The following PDS5B variants were observed in gnomAD, a reference collection of about 807,000 sequenced individuals.
PDS5B encodes PDS5 cohesin associated factor B.
Under a neutral mutation model 184.1 loss-of-function variants are expected in PDS5B, and 51 were observed. That is an observed-to-expected ratio of 0.28 (90% confidence interval 0.22 to 0.35). PDS5B has a LOEUF of 0.35. PDS5B is among the 10% of genes least tolerant of loss of function. The pLI, the probability that PDS5B is intolerant of heterozygous loss-of-function variation, is 1.00. For missense variants in PDS5B, 1,180 were observed against 1,723.3 expected, an observed-to-expected ratio of 0.68 and a Z score of 5.58; for synonymous variants, 566 against 569.2, an observed-to-expected ratio of 0.99 and a Z score of 0.08.
At chr13:32,602,519 C>T (rs2057992919) in intron 1 of PDS5B, among the ~76,000 whole-genome samples, 1 of 152,102 alleles carries the variant, frequency 6.6e-6, no homozygotes, top group South Asian at 2.1e-4. Context: ...TGGGTTGGTT[C>T]TAAGTGTTTG....
rs1410797773 is a variant in PDS5B, at chr13:32,587,354, C to T, written c.-20+761C>T. Among the ~76,000 whole-genome samples the T allele has an allele frequency of 3.3e-5, 5 of 152,178 alleles. No homozygotes were observed. In the East Asian group the frequency reaches 9.7e-4, roughly 29 times the overall value. On this transcript the variant is annotated intron_variant, in intron 1 of 34. Coordinates refer to ENST00000315596, the MANE Select transcript of PDS5B (RefSeq NM_015032.4). ...CCAGCACTGGCGTGGAGGGACTCCT[C>T]CCAGGCCACAACTGGGTTCTAGCTT...
chr13:32,740,010 G>T (rs1953483294), intron 21 of PDS5B, among the ~76,000 whole-genome samples: 1 of 151,872 alleles, frequency 6.6e-6, no homozygotes, highest in Non-Finnish European at 1.5e-5. Context: ...CTTTGTATTT[G>T]TAATAGTTTA....
chr13:32,724,505 C>G (rs1198075198), intron 19 of PDS5B, among the ~76,000 whole-genome samples: 1 of 152,146 alleles, frequency 6.6e-6, no homozygotes, highest in Non-Finnish European at 1.5e-5. Context: ...CAGGTTGTTT[C>G]TCTTGAAGAG....
chr13:32,676,029 T>C, intron 9 of PDS5B, 70 bp downstream of exon 9: 1 of 839,540 alleles, frequency 1.2e-6, no homozygotes, highest in Non-Finnish European at 2.0e-6. Flanking sequence ...AGAAACATTA[T>C]CCACATTTAA....
At chr13:32,752,805 A>G (rs2140997419) in intron 24 of PDS5B, among the ~76,000 whole-genome samples, 1 of 152,266 alleles carries the variant, frequency 6.6e-6, no homozygotes, top group Admixed American at 6.5e-5. Context: ...TGGATTAGTA[A>G]TCCTTACCTT....
At chr13:32,746,797 C>A (rs375457026) in intron 24 of PDS5B, among the ~76,000 whole-genome samples, 48 of 152,312 alleles carry the variant, frequency 3.2e-4, no homozygotes, top group African/African-American at 1.2e-3. Context: ...GGAATGTGCA[C>A]ATCTGGCTAC....
chr13:32,640,007 T>A (rs1324691546), intron 1 of PDS5B, among the ~76,000 whole-genome samples: 1 of 152,250 alleles, frequency 6.6e-6, no homozygotes, highest in Non-Finnish European at 1.5e-5. Context: ...TTATGATTGC[T>A]CTTGCTCTTT....
chr13:32,601,752 G>T (rs933601409), intron 1 of PDS5B, among the ~76,000 whole-genome samples: 5 of 152,142 alleles, frequency 3.3e-5, no homozygotes, highest in Admixed American at 2.0e-4. Flanking sequence ...GACCCTTTAG[G>T]ATCATTTTAC....
intron 11 of PDS5B, among the ~76,000 whole-genome samples, chr13:32,686,628 A>G (rs1049372110): frequency 3.9e-5 from 6 of 152,146 alleles, no homozygotes; most frequent in Non-Finnish European, 8.8e-5. Context: ...AAAAACAAAA[A>G]TAAAAAATTA....
chr13:32,591,529 TATAAC>T (rs1376385581), intron 1 of PDS5B, among the ~76,000 whole-genome samples: 10 of 152,206 alleles, frequency 6.6e-5, no homozygotes, highest in Non-Finnish European at 1.2e-4. Context: ...AATATTTTAT[TATAAC>T]ATAATTTATT....
intron 19 of PDS5B, among the ~76,000 whole-genome samples, chr13:32,721,269 C>T (rs1332154712): frequency 5.6e-5 from 8 of 143,666 alleles, no homozygotes; most frequent in East Asian, 2.2e-4. Context: ...CGGGCGGGGG[C>T]GCCCCCCACC....
At chr13:32,717,821 A>T (rs1365765703) in intron 19 of PDS5B, among the ~76,000 whole-genome samples, 3 of 151,812 alleles carry the variant, frequency 2.0e-5, no homozygotes, top group African/African-American at 7.2e-5. Flanking sequence ...TTCAGAGTAT[A>T]GAAAAGAAAG....
At chr13:32,658,575 A>G in intron 5 of PDS5B, 44 bp downstream of exon 5, 1 of 1,030,232 alleles carries the variant, frequency 9.7e-7, no homozygotes, top group East Asian at 2.6e-5. Flanking sequence ...AAAAGGTAAC[A>G]AATTTTGAAC....
chr13:32,703,596 T>C (rs1325160571), intron 17 of PDS5B, among the ~76,000 whole-genome samples: 3 of 152,224 alleles, frequency 2.0e-5, no homozygotes, highest in African/African-American at 7.2e-5. Context: ...TGAGTAACCT[T>C]CTCACTGCTG....
chr13:32,612,174 A>T (rs901667228), intron 1 of PDS5B, among the ~76,000 whole-genome samples: 2 of 152,026 alleles, frequency 1.3e-5, no homozygotes, highest in African/African-American at 4.8e-5. Flanking sequence ...GACACCTGGA[A>T]TCTTTACCTG....
At chr13:32,773,450 T>G in intron 34 of PDS5B, 126 bp downstream of exon 34, 1 of 818,090 alleles carries the variant, frequency 1.2e-6, no homozygotes, top group Non-Finnish European at 1.9e-6. Flanking sequence ...CATCATTTTA[T>G]CTACCAGGTT....
At chr13:32,606,207 G>A (rs977512242) in intron 1 of PDS5B, among the ~76,000 whole-genome samples, 2 of 152,182 alleles carry the variant, frequency 1.3e-5, no homozygotes, top group Admixed American at 6.5e-5. Flanking sequence ...GCTGGTACTG[G>A]TTGTTCCTTT....
At chr13:32,600,032 G>C (rs1479334759) in intron 1 of PDS5B, among the ~76,000 whole-genome samples, 1 of 149,890 alleles carries the variant, frequency 6.7e-6, no homozygotes, top group African/African-American at 2.5e-5. Context: ...TTTTTTCTCT[G>C]TTTTTCAGAG....
intron 33 of PDS5B, 106 bp from the exon 34 acceptor site, chr13:32,773,083 A>G: frequency 2.3e-6 from 2 of 861,364 alleles, no homozygotes; most frequent in Non-Finnish European, 3.5e-6. Flanking sequence ...AAAGTAACTG[A>G]GGGTAAAGAT....
Sources: allele counts gnomAD v4.1 joint callset (sites outside exome capture counted in the v4.1 genomes callset), GRCh38; gene constraint gnomAD v4.1.1; transcripts MANE v1.5; gene names NCBI Gene and HGNC (gene_info 2026-07-23, HGNC 2026-07-21).